Variants in CHRNA1 observed in about 807,000 individuals in gnomAD.
CHRNA1 encodes the protein acetylcholine receptor subunit alpha.
CHRNA1 carries 35 observed loss-of-function variants against 47.1 expected under a neutral mutation model. That is an observed-to-expected ratio of 0.74 (90% CI 0.57 to 0.99). CHRNA1 has a LOEUF of 0.99. Ranked by LOEUF, CHRNA1 falls within the 50% of genes least tolerant of loss-of-function variation. The pLI, the probability that CHRNA1 is intolerant of heterozygous loss-of-function variation, is 0.00. For synonymous variants in CHRNA1, 229 were observed against 223.6 expected (o/e 1.02, Z -0.22); for missense variants, 506 against 591.1 (o/e 0.86, Z 1.49).
chr2:174,762,913 G>C (rs1684124377), intron 1 of CHRNA1, among the ~76,000 whole-genome samples: 1 of 152,174 alleles, frequency 6.6e-6, no homozygotes, highest in African/African-American at 2.4e-5. Context: ...CTAGTCCCAT[G>C]GATCATTATT....
At chr2:174,755,222 G>A (rs1683956633) in intron 4 of CHRNA1, among the ~76,000 whole-genome samples, 1 of 151,978 alleles carries the variant, frequency 6.6e-6, no homozygotes, top group Non-Finnish European at 1.5e-5. Context: ...AGAACTCATT[G>A]GGGTGGACTC....
intron 6 of CHRNA1, chr2:174,753,032 T>G: frequency 3.9e-6 from 1 of 253,962 alleles, no homozygotes; most frequent in Non-Finnish European, 7.8e-6. Context: ...GTCTTGTGTG[T>G]GAAGATGCCA....
chr2:174,762,782 T>A (rs1684122617), intron 1 of CHRNA1, among the ~76,000 whole-genome samples: 1 of 152,220 alleles, frequency 6.6e-6, no homozygotes, highest in Non-Finnish European at 1.5e-5. Context: ...AAAGGACTGA[T>A]TCTAAGAAGG....
chr2:174,751,566 CTT>C (rs990958407), intron 6 of CHRNA1, among the ~76,000 whole-genome samples: 7 of 152,088 alleles, frequency 4.6e-5, no homozygotes, highest in African/African-American at 1.4e-4. Flanking sequence ...TATTTGTCCA[CTT>C]ATATAAAATT....
rs886055150 is a variant in CHRNA1 at position 174,757,643 on chromosome 2, T to C, written c.267A>G (p.Pro89=). The C allele has an allele frequency of 6.2e-6, 10 of 1,614,108 alleles. No individual in the cohort carries two copies. The highest frequency in any genetic ancestry group is 8.5e-6 in the Non-Finnish European group (10 of 1,180,036). The change falls in exon 4 of 9, where the codon CCA becomes CCG. Residue 89 remains proline, a synonymous_variant. Coordinates refer to ENST00000348749, the MANE Select transcript of CHRNA1 (RefSeq NM_000079.4). ...QWVDYNLKWN[P]DDYGGVKKIH... ...TTTTTTTCACACCGCCATAGTCATC[T>C]GGATTCCATTTTAGGTTGTAATCCA...
At chr2:174,749,461 T>C (rs1683802698) in intron 7 of CHRNA1, among the ~76,000 whole-genome samples, 1 of 151,856 alleles carries the variant, frequency 6.6e-6, no homozygotes, top group Non-Finnish European at 1.5e-5. Flanking sequence ...ATTTTTAAAT[T>C]CAATAACGTA....
At chr2:174,750,783 A>G (rs551793353) in intron 6 of CHRNA1, among the ~76,000 whole-genome samples, 1 of 152,208 alleles carries the variant, frequency 6.6e-6, no homozygotes, top group South Asian at 2.1e-4. Flanking sequence ...ACAATATTTC[A>G]TCTCATGCTC....
At position 174,757,546 on chromosome 2, in the gene CHRNA1, C is replaced by G. The variant is rs1230351344; in HGVS notation, c.344+20G>C. ...CACCTGCCCCAGGAGCACCCTCCGC[C>G]ACCCATGCAGTTTGCTCACTTGTTA... On this transcript the variant is annotated intron_variant, in intron 4 of 8. Transcript: ENST00000348749. 6.3e-7 allele frequency: 1 copy of G among 1,588,386 alleles called. No homozygotes were observed. Among genetic ancestry groups the G allele is most frequent in the Admixed American group, 1.7e-5 (1 of 59,992 alleles).
chr2:174,764,368 G>C lies in CHRNA1; in HGVS notation c.27C>G (p.Leu9=). The C allele has an allele frequency of 6.2e-7, 1 of 1,613,528 alleles. No homozygotes were observed. The highest frequency in any genetic ancestry group is 1.3e-5 in the African/African-American group (1 of 75,054). ...AGCACTTACCTGAGCAAAGGCTAAA[G>C]AGCAGGAGGAGAGGCCAGGGCTCCA... MEPWPLLL[L]FSLCSAGLVL... Residue 9 remains leucine (L), a synonymous_variant, in exon 1 of 9, where the codon CTC becomes CTG. Coordinates refer to ENST00000348749, the MANE Select transcript of CHRNA1 (RefSeq NM_000079.4).
chr2:174,757,799 T>G (rs1044138282), intron 3 of CHRNA1, 124 bp from the exon 4 acceptor site: 2 of 1,039,892 alleles, frequency 1.9e-6, no homozygotes, highest in Non-Finnish European at 2.9e-6. Context: ...ATAAGAAAAG[T>G]TGGATTCAGA....
chr2:174,749,874 C>T lies in CHRNA1; in HGVS notation c.1002+72G>A. 3.0e-6 allele frequency: 4 copies of T among 1,335,664 alleles called. No homozygotes were observed. In the South Asian group the frequency reaches 4.8e-5, roughly 16 times the overall value. 82.7% of individuals were successfully genotyped at this position (1,335,664 alleles called of 1,614,324 possible). A position where few individuals can be genotyped will look rare whatever the true frequency, so the allele number is the denominator to read the frequency against. On this transcript the variant is annotated intron_variant, in intron 7 of 8. Transcript: ENST00000348749. ...AATAGCCCCAAGTATTAGCTAGAAA[C>T]CCACTGGCTCCTCGAAGGGGAGGCC...
At chr2:174,762,620 C>T (rs933719912) in intron 1 of CHRNA1, among the ~76,000 whole-genome samples, 12 of 151,924 alleles carry the variant, frequency 7.9e-5, no homozygotes, top group Admixed American at 5.2e-4. Context: ...AGTGATATGC[C>T]GTAAGAAAGA....
intron 1 of CHRNA1, among the ~76,000 whole-genome samples, chr2:174,760,777 T>C (rs1182816719): frequency 2.0e-5 from 3 of 152,196 alleles, no homozygotes; most frequent in Non-Finnish European, 2.9e-5. Flanking sequence ...CCCAGTTAAG[T>C]TGTTAAAATA....
At chr2:174,764,251 A>G (rs1203750594) in intron 1 of CHRNA1, 101 bp downstream of exon 1, 1 of 1,260,398 alleles carries the variant, frequency 7.9e-7, no homozygotes, top group African/African-American at 1.5e-5. Context: ...AGGCTCTGCC[A>G]TTCTGTGGTC....
intron 4 of CHRNA1, among the ~76,000 whole-genome samples, chr2:174,757,292 C>CGTCAACTTGGCTCTTG (rs1202672010): frequency 6.6e-6 from 1 of 152,060 alleles, no homozygotes; most frequent in East Asian, 1.9e-4. Context: ...ACCCCTAGCC[C>CGTCAACTTGGCTCTTG]GTCAACTTGG....
intron 4 of CHRNA1, among the ~76,000 whole-genome samples, chr2:174,756,819 G>A (rs1249865795): frequency 2.0e-5 from 3 of 152,202 alleles, no homozygotes; most frequent in South Asian, 2.1e-4. Context: ...GTGGACCCCC[G>A]ACACATGTTG....
At chr2:174,757,504 A>G (rs1169096038) in intron 4 of CHRNA1, 62 bp downstream of exon 4, 3 of 1,212,670 alleles carry the variant, frequency 2.5e-6, no homozygotes, top group Non-Finnish European at 3.7e-6. Context: ...CAGCCCTTCT[A>G]TTAGGGCACT....
Position 174,750,023 on chromosome 2 carries a change from T to G in CHRNA1, c.925A>C (p.Ile309Leu), listed in dbSNP as rs199470446. The G allele has an allele frequency of 1.2e-6, 2 of 1,614,046 alleles. No individual in the cohort carries two copies. Among genetic ancestry groups the G allele is most frequent in the Non-Finnish European group, 1.7e-6 (2 of 1,180,026 alleles). The change falls in exon 7 of 9, where the codon ATC becomes CTC. Residue 309 changes from isoleucine to leucine, a missense_variant. Physicochemically the swap from Ile to Leu is conservative, Grantham distance 5. Transcript: ENST00000348749. ...TTGATGACGATGACAGTGATGATGA[T>G]GGAGGCAATGACGAACACCATGGTG... is the stretch of plus-strand genomic sequence containing the variant. ...LFTMVFVIASIIITVIVINTH... is the reference protein window; with the variant it reads ...LFTMVFVIASLIITVIVINTH...
At chr2:174,754,654 T>C (rs1238727975) in intron 4 of CHRNA1, among the ~76,000 whole-genome samples, 1 of 152,106 alleles carries the variant, frequency 6.6e-6, no homozygotes, top group Non-Finnish European at 1.5e-5. Flanking sequence ...TGAATCTGAG[T>C]ATCTGGGAAA....
Sources: allele counts gnomAD v4.1 joint callset (sites outside exome capture counted in the v4.1 genomes callset), GRCh38; gene constraint gnomAD v4.1.1; transcripts MANE v1.5; gene names NCBI Gene and HGNC (gene_info 2026-07-23, HGNC 2026-07-21).